PHF21B: variants seen among roughly 807,000 people sequenced by gnomAD.
PHF21B encodes PHD finger protein 21B.
PHF21B carries 22 observed loss-of-function variants against 62.2 expected under a neutral mutation model. The observed-to-expected ratio is 0.35, with a 90% CI of 0.25 to 0.51. The LOEUF is 0.51. PHF21B is among the 20% of genes least tolerant of loss of function. The probability of loss-of-function intolerance (pLI) is 0.97; values close to 1 mark genes in which losing one functional copy is unlikely to be tolerated. For missense variants in PHF21B, 701 were observed against 707.9 expected, an observed-to-expected ratio of 0.99 and a Z score of 0.11; for synonymous variants, 341 against 314.7, an observed-to-expected ratio of 1.08 and a Z score of -0.88.
chr22:44,919,779 ACTCAATACTCACAGCCACCATTGG>A (rs374617273), intron 3 of PHF21B, among the ~76,000 whole-genome samples: 7 of 152,226 alleles, frequency 4.6e-5, no homozygotes, highest in African/African-American at 1.7e-4. Context: ...TTTTGTCTTG[ACTCAATACTCACAGCCACCATTGG>A]CTCAACCCTC....
In PHF21B at chr22:44,976,107, G is replaced by A. The variant is rs561152555; in HGVS notation, c.120+32438C>T. Among the ~76,000 whole-genome samples, 9 of 152,336 alleles carry A rather than the reference G, an allele frequency of 5.9e-5. No homozygotes were observed. In the East Asian group the frequency reaches 1.7e-3, roughly 29 times the overall value. On this transcript the variant is annotated intron_variant, in intron 2 of 12. Coordinates refer to ENST00000313237, the MANE Select transcript of PHF21B (RefSeq NM_138415.5). ...GATCACCCGAGCCCAGGAGGCTGAG[G>A]CTGCAGTGGGTCATGATTGCGCCAC...
intron 2 of PHF21B, among the ~76,000 whole-genome samples, chr22:44,958,598 ATTTTTTT>A (rs59943293): frequency 2.6e-4 from 20 of 75,902 alleles, no homozygotes; most frequent in South Asian, 2.6e-3. Context: ...CCTTCCTTTG[ATTTTTTT>A]TTTTTTTTTT....
chr22:44,981,056 T>C (rs973361782), intron 2 of PHF21B, among the ~76,000 whole-genome samples: 2 of 152,240 alleles, frequency 1.3e-5, no homozygotes, highest in Non-Finnish European at 2.9e-5. Flanking sequence ...CCGGAGCTGC[T>C]GTCTGCAGAG....
At chr22:44,990,690 A>T (rs931169074) in intron 2 of PHF21B, among the ~76,000 whole-genome samples, 7 of 152,232 alleles carry the variant, frequency 4.6e-5, no homozygotes, top group African/African-American at 7.2e-5. Context: ...GAATAGGAGT[A>T]ATTGTTTCAT....
intron 2 of PHF21B, among the ~76,000 whole-genome samples, chr22:44,925,747 T>C (rs1474368486): frequency 1.3e-5 from 2 of 152,092 alleles, no homozygotes; most frequent in Non-Finnish European, 2.9e-5. Context: ...CCTCCCCTAA[T>C]GCATGTCTCA....
rs5766267 is a variant in PHF21B, at chr22:44,993,921, G to A, written c.120+14624C>T. On this transcript the variant is annotated intron_variant, in intron 2 of 12. Transcript: ENST00000313237. ...AAACTAGAGGAAATGATGCACCCCA[G>A]CTTTTCTGAGATGGTCCTGATTTCA... Among the ~76,000 whole-genome samples, 994 of 152,308 alleles carry A rather than the reference G, an allele frequency of 6.5e-3. 15 individuals are homozygous for A. The highest frequency in any genetic ancestry group is 0.021 in the African/African-American group (891 of 41,552).
At chr22:45,006,359 C>G (rs2073313926) in intron 2 of PHF21B, among the ~76,000 whole-genome samples, 1 of 152,162 alleles carries the variant, frequency 6.6e-6, no homozygotes, top group East Asian at 1.9e-4. Context: ...TCCTTGCTTT[C>G]TTTCTTTTTA....
At chr22:44,884,428 C>T (rs1263981660) in intron 12 of PHF21B, among the ~76,000 whole-genome samples, 1 of 66,140 alleles carries the variant, frequency 1.5e-5, no homozygotes. Context: ...ACCATGATCA[C>T]CATTATCACC....
chr22:44,965,182 C>A (rs2072500886), intron 2 of PHF21B, among the ~76,000 whole-genome samples: 1 of 152,092 alleles, frequency 6.6e-6, no homozygotes, highest in African/African-American at 2.4e-5. Context: ...TGCCACCTGT[C>A]CAGGGCAGCT....
At chr22:44,995,946 G>A (rs146768679) in intron 2 of PHF21B, among the ~76,000 whole-genome samples, 1 of 152,282 alleles carries the variant, frequency 6.6e-6, no homozygotes, top group Non-Finnish European at 1.5e-5. Flanking sequence ...GTGGCAAGGG[G>A]CTCAAAGATG....
intron 2 of PHF21B, among the ~76,000 whole-genome samples, chr22:44,984,086 CCATCATCATCACCAT>C (rs2072892490): frequency 1.6e-5 from 1 of 63,776 alleles, no homozygotes; most frequent in African/African-American, 6.1e-5. Flanking sequence ...ACCACCATCA[CCATCATCATCACCAT>C]CATCACCACC....
intron 2 of PHF21B, among the ~76,000 whole-genome samples, chr22:44,924,654 T>A (rs2071598174): frequency 1.3e-5 from 2 of 152,342 alleles, no homozygotes; most frequent in South Asian, 2.1e-4. Context: ...AGGAACTGAA[T>A]CTGCTGGCAC....
rs372613694 is a variant in PHF21B, at chr22:44,997,064, C to T, written c.120+11481G>A. ...CCCGAGTCTCTGAGCACCACAAGGC[C>T]TATTGTGCCCACTGCTCACGAGCCT... On this transcript the variant is annotated intron_variant, in intron 2 of 12. Coordinates refer to ENST00000313237, the MANE Select transcript of PHF21B (RefSeq NM_138415.5). Among the ~76,000 whole-genome samples the T allele has an allele frequency of 2.4e-4, 36 of 152,336 alleles. No homozygotes were observed. The East Asian group carries it at 6.6e-3, about 28-fold the overall frequency.
intron 2 of PHF21B, among the ~76,000 whole-genome samples, chr22:44,986,233 T>C (rs1197846178): frequency 2.8e-5 from 4 of 144,112 alleles, no homozygotes; most frequent in Non-Finnish European, 6.1e-5. Flanking sequence ...ATTATCACCA[T>C]CATTATGACA....
chr22:44,935,609 G>A (rs1469416449), intron 2 of PHF21B, among the ~76,000 whole-genome samples: 1 of 126,892 alleles, frequency 7.9e-6, no homozygotes, highest in Non-Finnish European at 1.6e-5. Flanking sequence ...GCAAGACTCC[G>A]CCTCAAAAAC....
intron 6 of PHF21B, among the ~76,000 whole-genome samples, chr22:44,894,115 C>T (rs754313045): frequency 6.6e-6 from 1 of 152,244 alleles, no homozygotes; most frequent in Non-Finnish European, 1.5e-5. Context: ...CTAGCGTCTT[C>T]TAATCTCTGT....
intron 2 of PHF21B, among the ~76,000 whole-genome samples, chr22:44,964,475 CCTCCGAT>C (rs1291981058): frequency 6.6e-6 from 1 of 151,414 alleles, no homozygotes; most frequent in Non-Finnish European, 1.5e-5. Context: ...CACTCCCAAA[CCTCCGAT>C]CTTCAGCAGC....
chr22:44,901,938 C>G, intron 5 of PHF21B: 1 of 217,420 alleles, frequency 4.6e-6, no homozygotes, highest in Non-Finnish European at 9.5e-6. Flanking sequence ...TGAAGACATG[C>G]CTTGGAAGCT....
intron 7 of PHF21B, among the ~76,000 whole-genome samples, chr22:44,892,154 C>A (rs987351093): frequency 6.6e-6 from 1 of 151,318 alleles, no homozygotes; most frequent in Non-Finnish European, 1.5e-5. Flanking sequence ...AGGAATGAAG[C>A]CCTCCCTGTC....
Sources: allele counts gnomAD v4.1 joint callset (sites outside exome capture counted in the v4.1 genomes callset), GRCh38; gene constraint gnomAD v4.1.1; transcripts MANE v1.5; gene names NCBI Gene and HGNC (gene_info 2026-07-23, HGNC 2026-07-21).